PIKFYVE: variants seen among roughly 807,000 people sequenced by gnomAD.
PIKFYVE encodes the protein phosphoinositide kinase, FYVE-type zinc finger containing, also known as 1-phosphatidylinositol 3-phosphate 5-kinase.
Under a neutral mutation model 257.9 loss-of-function variants are expected in PIKFYVE, and 122 were observed. The ratio of observed to expected loss-of-function variants is 0.47; its 90% confidence interval spans 0.41 to 0.55. PIKFYVE has a LOEUF of 0.55. Ranked by LOEUF, PIKFYVE falls within the 20% of genes least tolerant of loss-of-function variation. PIKFYVE has a pLI of 0.00. For missense variants in PIKFYVE, 2,160 were observed against 2,536.6 expected (o/e 0.85, Z 3.19); for synonymous variants, 892 against 868.9 (o/e 1.03, Z -0.47).
In PIKFYVE at chr2:208,339,510, T is replaced by G; in HGVS notation, c.4765T>G (p.Ser1589Ala). The change falls in exon 30 of 42, where the codon TCA becomes GCA. Residue 1589 changes from serine to alanine, a missense_variant. This residue lies in a region of PIKFYVE where 699 missense variants were observed against 855.8 expected (regional missense o/e 0.82). Transcript: ENST00000264380. ...GCCACCTGAAGTCATGTCTGAACAG[T>G]CAGTGGGAGGGCCCCCTGAGCTAGA... is the stretch of plus-strand genomic sequence containing the variant. ...PTPPEVMSEQ[S>A]VGGPPELDTA... 6.2e-6 allele frequency: 10 copies of G among 1,614,126 alleles called. No homozygotes were observed. The highest frequency in any genetic ancestry group is 7.6e-6 in the Non-Finnish European group (9 of 1,180,020).
intron 10 of PIKFYVE, among the ~76,000 whole-genome samples, chr2:208,303,146 G>T (rs1482524624): frequency 1.3e-5 from 2 of 152,024 alleles, no homozygotes; most frequent in Non-Finnish European, 2.9e-5. Context: ...TTACTTTAGG[G>T]AAGTGGAAAT....
chr2:208,281,552 T>C (rs1052128300), intron 5 of PIKFYVE, among the ~76,000 whole-genome samples: 2 of 152,222 alleles, frequency 1.3e-5, no homozygotes, highest in Admixed American at 1.3e-4. Flanking sequence ...AGGGCCTACC[T>C]GAGCTTGAGT....
chr2:208,353,285 A>G (rs34904313), intron 39 of PIKFYVE, among the ~76,000 whole-genome samples: 25,277 of 152,172 alleles, frequency 0.17, 2,324 homozygotes, highest in South Asian at 0.26. Context: ...GAACTAAACA[A>G]TATACTTAAT....
chr2:208,337,502 C>T (rs764670675), intron 28 of PIKFYVE, among the ~76,000 whole-genome samples: 4 of 151,362 alleles, frequency 2.6e-5, no homozygotes, highest in Non-Finnish European at 4.4e-5. Flanking sequence ...TCCCTTACAC[C>T]TAATAATCTT....
chr2:208,335,514 T>G, intron 25 of PIKFYVE, 95 bp downstream of exon 25: 9 of 1,110,018 alleles, frequency 8.1e-6, no homozygotes, highest in Admixed American at 2.0e-5. Flanking sequence ...AAATGTAAAT[T>G]TTCTAATTGT....
In PIKFYVE at chr2:208,326,171, T is replaced by C; in HGVS notation, c.3360T>C (p.Ile1120=). ...GACTTCAGGGCATGAATGGAAGTAT[T>C]CAGGCCAAGTCTATTCAAGTCTTAC... ...LSGLQGMNGS[I]QAKSIQVLPS... Residue 1120 remains isoleucine (I), a synonymous_variant, in exon 20 of 42, where the codon ATT becomes ATC. Transcript: ENST00000264380. The C allele has an allele frequency of 6.2e-7, 1 of 1,612,926 alleles. No individual in the cohort carries two copies. The highest frequency in any genetic ancestry group is 1.3e-5 in the African/African-American group (1 of 74,924).
At chr2:208,352,893 C>G in intron 39 of PIKFYVE, 111 bp downstream of exon 39, 1 of 1,350,958 alleles carries the variant, frequency 7.4e-7, no homozygotes, top group Non-Finnish European at 1.0e-6. Context: ...AAATATTTAA[C>G]TTTGGTTACT....
chr2:208,318,943 T>G (rs1017176193), intron 16 of PIKFYVE, among the ~76,000 whole-genome samples: 2 of 91,780 alleles, frequency 2.2e-5, no homozygotes, highest in African/African-American at 7.6e-5. Flanking sequence ...AGAGCGAGAC[T>G]CCGTCTCAAA....
intron 5 of PIKFYVE, among the ~76,000 whole-genome samples, chr2:208,281,255 T>C (rs1366431201): frequency 1.3e-5 from 2 of 152,224 alleles, no homozygotes; most frequent in East Asian, 1.9e-4. Flanking sequence ...CCCCATTTAG[T>C]GTAAGCCACC....
chr2:208,291,627 C>T (rs1692324764), intron 7 of PIKFYVE, among the ~76,000 whole-genome samples: 1 of 151,962 alleles, frequency 6.6e-6, no homozygotes, highest in South Asian at 2.1e-4. Flanking sequence ...GGAAAGTTAC[C>T]AGTTATTGAT....
chr2:208,292,614 CTTTTT>C, intron 7 of PIKFYVE, among the ~76,000 whole-genome samples: 1 of 151,948 alleles, frequency 6.6e-6, no homozygotes, highest in South Asian at 2.1e-4. Flanking sequence ...TACTCCTGCT[CTTTTT>C]TTTATTAGCG....
intron 16 of PIKFYVE, among the ~76,000 whole-genome samples, chr2:208,319,872 A>G (rs184354363): frequency 1.3e-5 from 2 of 152,184 alleles, no homozygotes; most frequent in African/African-American, 2.4e-5. Flanking sequence ...GACAGACTAA[A>G]ATATGCTTTT....
intron 3 of PIKFYVE, among the ~76,000 whole-genome samples, chr2:208,275,759 T>TGG (rs967734945): frequency 6.6e-6 from 1 of 151,972 alleles, no homozygotes; most frequent in African/African-American, 2.4e-5. Context: ...AGATTCAGAG[T>TGG]GGGGTATTTT....
chr2:208,345,184 C>T lies in PIKFYVE; in HGVS notation c.5101C>T (p.Pro1701Ser). The T allele has an allele frequency of 1.2e-6, 2 of 1,608,140 alleles. No homozygotes were observed. The highest frequency in any genetic ancestry group is 2.2e-5 in the South Asian group (2 of 90,910). ...GTGGAACAGTGCCGAAGAAGGGCTT[C>T]CAACAAATAGGTGATTCATGATTGA... ...TQWNSAEEGL[P>S]TNSTSDSRPK... The change falls in exon 33 of 42, where the codon CCA becomes TCA. Residue 1701 changes from proline to serine, a missense_variant. By Grantham distance (74) the Pro-to-Ser change is moderately conservative. Transcript: ENST00000264380.
chr2:208,352,523 T>C (rs969457987), intron 38 of PIKFYVE, 131 bp from the exon 39 acceptor site: 2 of 1,046,292 alleles, frequency 1.9e-6, no homozygotes, highest in Non-Finnish European at 2.7e-6. Flanking sequence ...AGAGTTTGAG[T>C]TTTTTTCAAA....
intron 21 of PIKFYVE, 54 bp downstream of exon 21, chr2:208,328,334 TAAAAAA>T: frequency 6.3e-7 from 1 of 1,594,264 alleles, no homozygotes; most frequent in Non-Finnish European, 8.6e-7. Context: ...TTCCAGCAAT[TAAAAAA>T]AAACAAAAAC....
At chr2:208,274,253 C>G (rs1282293905) in intron 3 of PIKFYVE, among the ~76,000 whole-genome samples, 2 of 152,204 alleles carry the variant, frequency 1.3e-5, no homozygotes, top group Non-Finnish European at 1.5e-5. Flanking sequence ...GTTTTCCATT[C>G]TGGTCTACTA....
intron 3 of PIKFYVE, among the ~76,000 whole-genome samples, chr2:208,275,514 T>C (rs879928729): frequency 3.3e-5 from 5 of 152,228 alleles, no homozygotes; most frequent in Admixed American, 3.3e-4. Flanking sequence ...TTAGTTATTC[T>C]AATACAGTAG....
At chr2:208,350,735 C>T (rs1273775148) in intron 36 of PIKFYVE, 36 bp from the exon 37 acceptor site, 1 of 1,607,118 alleles carries the variant, frequency 6.2e-7, no homozygotes, top group Non-Finnish European at 8.5e-7. Flanking sequence ...TTTTCTGAGT[C>T]ATAAAGCTTT....
Sources: allele counts gnomAD v4.1 joint callset (sites outside exome capture counted in the v4.1 genomes callset), GRCh38; gene constraint gnomAD v4.1.1; regional missense constraint gnomAD v4.1.1; transcripts MANE v1.5; gene names NCBI Gene and HGNC (gene_info 2026-07-23, HGNC 2026-07-21).